CD36: variants seen among roughly 807,000 people sequenced by gnomAD.
The protein encoded by CD36 is platelet glycoprotein 4.
In CD36, 119 loss-of-function variants were observed where a neutral mutation model predicts 55.2. The observed-to-expected ratio is 2.15, with a 90% CI of 1.86 to 2.51. The LOEUF (loss-of-function observed/expected upper bound fraction) is 2.51, where lower values mean the gene tolerates loss of function less well. CD36 is among the 30% of genes most tolerant of loss of function. The pLI is 0.00. For synonymous variants in CD36, 186 were observed against 193.6 expected (o/e 0.96, Z 0.33); for missense variants, 819 against 555.5 (o/e 1.47, Z -4.77).
At chr7:80,609,677 G>A (rs1405276238) in intron 1 of CD36, among the ~76,000 whole-genome samples, 2 of 152,112 alleles carry the variant, frequency 1.3e-5, no homozygotes, top group Non-Finnish European at 2.9e-5. Context: ...ATGTAATTGG[G>A]GGGAATAAAA....
At chr7:80,609,718 C>A (rs1263626695) in intron 1 of CD36, among the ~76,000 whole-genome samples, 1 of 152,172 alleles carries the variant, frequency 6.6e-6, no homozygotes, top group Non-Finnish European at 1.5e-5. Flanking sequence ...GTTGATGATT[C>A]AAACTATGAT....
intron 3 of CD36, among the ~76,000 whole-genome samples, chr7:80,653,478 T>C (rs753471539): frequency 8.5e-5 from 13 of 152,194 alleles, no homozygotes; most frequent in Non-Finnish European, 1.8e-4. Flanking sequence ...AGGTCAGTGC[T>C]TTCAACCCAG....
At chr7:80,646,207 C>T in intron 2 of CD36, 26 bp downstream of exon 2, 1 of 160,144 alleles carries the variant, frequency 6.2e-6, no homozygotes, top group East Asian at 1.8e-4. Flanking sequence ...CATCTGTTAC[C>T]ATACTTGCTT....
intron 1 of CD36, among the ~76,000 whole-genome samples, chr7:80,613,676 G>A (rs1412152735): frequency 6.6e-6 from 1 of 152,076 alleles, no homozygotes; most frequent in African/African-American, 2.4e-5. Context: ...ACGGATGAGA[G>A]ATGCTTGTCA....
chr7:80,622,118 A>T (rs1459282126), intron 1 of CD36, among the ~76,000 whole-genome samples: 2 of 152,188 alleles, frequency 1.3e-5, no homozygotes, highest in Admixed American at 6.5e-5. Flanking sequence ...CACATGGGGG[A>T]CTTTCCCACC....
At chr7:80,667,813 G>A (rs560726043) in intron 8 of CD36, among the ~76,000 whole-genome samples, 25 of 139,698 alleles carry the variant, frequency 1.8e-4, no homozygotes, top group African/African-American at 5.6e-4. Flanking sequence ...GCAGTGGTGC[G>A]ATCTCGGCTC....
At chr7:80,635,049 A>T (rs976961634), upstream of CD36, among the ~76,000 whole-genome samples, 13 of 152,166 alleles carry the variant, frequency 8.5e-5, no homozygotes, top group South Asian at 4.1e-4. Flanking sequence ...ATTGTTACAA[A>T]TGTTTTAAAA....
At chr7:80,610,635 C>T (rs577756238) in intron 1 of CD36, among the ~76,000 whole-genome samples, 7 of 152,106 alleles carry the variant, frequency 4.6e-5, no homozygotes, top group East Asian at 3.9e-4. Flanking sequence ...AGGGCGGTGG[C>T]GTGATCTCGG....
intron 14 of CD36, chr7:80,674,425 C>G (rs768033934): frequency 1.3e-5 from 5 of 378,134 alleles, no homozygotes; most frequent in African/African-American, 2.1e-5. Context: ...CCAAAATTGA[C>G]TGGTTCATTT....
chr7:80,621,471 A>G (rs1793467607), intron 1 of CD36, among the ~76,000 whole-genome samples: 1 of 152,206 alleles, frequency 6.6e-6, no homozygotes, highest in Non-Finnish European at 1.5e-5. Context: ...AGCATTTAAC[A>G]TGATAGCTGA....
intron 1 of CD36, among the ~76,000 whole-genome samples, chr7:80,613,078 G>C (rs527239961): frequency 2.6e-5 from 4 of 152,190 alleles, no homozygotes; most frequent in Admixed American, 2.0e-4. Flanking sequence ...GTAGTAGAGA[G>C]AGGAGGGGAG....
At chr7:80,653,451 G>A (rs1265148305) in intron 3 of CD36, among the ~76,000 whole-genome samples, 3 of 152,120 alleles carry the variant, frequency 2.0e-5, no homozygotes, top group African/African-American at 7.2e-5. Context: ...AATTAATGTA[G>A]CAGAATAGAA....
At chr7:80,654,073 CTG>C (rs1247197603) in intron 3 of CD36, among the ~76,000 whole-genome samples, 1 of 152,120 alleles carries the variant, frequency 6.6e-6, no homozygotes, top group Non-Finnish European at 1.5e-5. Context: ...CATTTCAACC[CTG>C]TGTTTCACGT....
chr7:80,667,742 C>CTTTTGTT (rs1263011667), intron 8 of CD36, among the ~76,000 whole-genome samples: 51 of 92,954 alleles, frequency 5.5e-4, no homozygotes, highest in African/African-American at 1.7e-3. Context: ...CAGGGGTTTT[C>CTTTTGTT]TTTTGTTTTT....
chr7:80,629,163 G>T (rs1038857935), intron 1 of CD36, among the ~76,000 whole-genome samples: 2 of 151,996 alleles, frequency 1.3e-5, no homozygotes, highest in South Asian at 4.1e-4. Flanking sequence ...GCACTCTTCC[G>T]GCACAGGTGG....
At chr7:80,630,771 C>T (rs1014622663) in intron 1 of CD36, among the ~76,000 whole-genome samples, 1 of 151,934 alleles carries the variant, frequency 6.6e-6, no homozygotes, top group Admixed American at 6.6e-5. Context: ...AGAAAATGTT[C>T]TTAGTCCTTG....
At chr7:80,643,014 C>A (rs1794918455) in intron 1 of CD36, among the ~76,000 whole-genome samples, 1 of 152,134 alleles carries the variant, frequency 6.6e-6, no homozygotes, top group East Asian at 1.9e-4. Context: ...AGTACCCAGG[C>A]CTGTCCATTG....
chr7:80,622,778 A>G (rs746879230), intron 1 of CD36, among the ~76,000 whole-genome samples: 2 of 152,190 alleles, frequency 1.3e-5, no homozygotes, highest in African/African-American at 4.8e-5. Flanking sequence ...TCTTCTACCC[A>G]TGCATTTGTA....
intron 6 of CD36, 151 bp downstream of exon 6, chr7:80,663,320 T>G: frequency 1.5e-6 from 1 of 678,482 alleles, no homozygotes; most frequent in South Asian, 1.7e-5. Context: ...CACTTCTCAT[T>G]ATAGCTTCAG....
Sources: allele counts gnomAD v4.1 joint callset (sites outside exome capture counted in the v4.1 genomes callset), GRCh38; gene constraint gnomAD v4.1.1; transcripts MANE v1.5; gene names NCBI Gene and HGNC (gene_info 2026-07-23, HGNC 2026-07-21).